The following DYM variants were observed in gnomAD, a reference collection of about 807,000 sequenced individuals.
DYM encodes dymeclin.
In DYM, 78 loss-of-function variants were observed where a neutral mutation model predicts 93.1. That is an observed-to-expected ratio of 0.84 (90% CI 0.70 to 1.01). DYM has a LOEUF of 1.01. Among genes scored for constraint, DYM ranks in the 50% least tolerant of loss-of-function variants. The probability of loss-of-function intolerance (pLI) is 0.00; values close to 1 mark genes in which losing one functional copy is unlikely to be tolerated. For missense variants in DYM, 789 were observed against 845.0 expected, an observed-to-expected ratio of 0.93 and a Z score of 0.82; for synonymous variants, 321 against 319.7, an observed-to-expected ratio of 1.00 and a Z score of -0.04.
At chr18:49,313,462 C>CAAAAAAAAAAAAAAAAAAAA (rs60775305) in intron 8 of DYM, among the ~76,000 whole-genome samples, 1 of 28,550 alleles carries the variant, frequency 3.5e-5, no homozygotes, top group Non-Finnish European at 6.3e-5. Flanking sequence ...GACTCTGTCA[C>CAAAAAAAAAAAAAAAAAAAA]AAAAAAAAAA....
intron 17 of DYM, among the ~76,000 whole-genome samples, chr18:49,080,357 C>G (rs1247081082): frequency 1.5e-5 from 2 of 136,748 alleles, no homozygotes; most frequent in Non-Finnish European, 3.2e-5. Context: ...CAACTCCCTC[C>G]CGGACGGGGT....
chr18:49,332,826 A>G (rs1329625169), intron 7 of DYM, among the ~76,000 whole-genome samples: 1 of 152,174 alleles, frequency 6.6e-6, no homozygotes, highest in Non-Finnish European at 1.5e-5. Flanking sequence ...CTCTGGCACT[A>G]TAAGGGATGA....
intron 8 of DYM, among the ~76,000 whole-genome samples, chr18:49,331,414 T>G (rs1377166032): frequency 6.6e-6 from 1 of 152,248 alleles, no homozygotes; most frequent in Non-Finnish European, 1.5e-5. Context: ...TACAAAATTC[T>G]GCAAAATATT....
rs549826425 is a variant in DYM, at chr18:49,385,743, G to A, written c.193+5850C>T. 3.3e-5 allele frequency among the ~76,000 whole-genome samples: 5 copies of A among 151,930 alleles called. No individual in the cohort carries two copies. The East Asian group carries it at 9.7e-4, about 29-fold the overall frequency. On this transcript the variant is annotated intron_variant, in intron 3 of 17. Transcript: ENST00000675505. Reference sequence around the variant, plus strand: ...CAGAAAACCTTATGTGTACATTCAGGAAAAAAGTAATAAAGCTAAACACAA... The same window carrying A: ...CAGAAAACCTTATGTGTACATTCAGAAAAAAAGTAATAAAGCTAAACACAA...
Position 49,377,559 on chromosome 18 carries a change from C to CA in DYM, c.421+1007dup, listed in dbSNP as rs538418149. Among the ~76,000 whole-genome samples the CA allele has an allele frequency of 2.6e-5, 4 of 151,452 alleles. No homozygotes were observed. In the South Asian group the frequency reaches 6.3e-4, roughly 24 times the overall value. On this transcript the variant is annotated intron_variant, in intron 5 of 17. Transcript: ENST00000675505. ...TGGGCAACAGAGCGAGACTCCATCT[C>CA]AAAAAAAATAAAAATAAAAATATAA...
At chr18:49,050,485 T>G (rs2072280506) in intron 17 of DYM, among the ~76,000 whole-genome samples, 1 of 152,176 alleles carries the variant, frequency 6.6e-6, no homozygotes, top group African/African-American at 2.4e-5. Flanking sequence ...GGGTAACTTC[T>G]GCAATGTATG....
intron 15 of DYM, among the ~76,000 whole-genome samples, chr18:49,130,741 C>T (rs369656193): frequency 6.6e-6 from 1 of 152,242 alleles, no homozygotes; most frequent in East Asian, 1.9e-4. Flanking sequence ...ATGGCAGATG[C>T]TGGGTTGGAG....
chr18:49,255,911 C>A (rs2094384613), intron 13 of DYM, among the ~76,000 whole-genome samples: 1 of 151,522 alleles, frequency 6.6e-6, no homozygotes. Context: ...GAAACCCCAT[C>A]TCTACTAAAA....
chr18:49,061,087 G>A (rs2075955532), intron 17 of DYM, among the ~76,000 whole-genome samples: 2 of 152,160 alleles, frequency 1.3e-5, no homozygotes, highest in Non-Finnish European at 2.9e-5. Context: ...AAAAAGTAGA[G>A]GCAGCGCCTC....
chr18:49,263,930 G>C (rs760970643), intron 11 of DYM, among the ~76,000 whole-genome samples: 1 of 152,070 alleles, frequency 6.6e-6, no homozygotes, highest in Non-Finnish European at 1.5e-5. Context: ...CTTCTATGAG[G>C]ATAGAAAGTT....
At chr18:49,173,786 A>T (rs1210753704) in intron 14 of DYM, among the ~76,000 whole-genome samples, 1 of 152,158 alleles carries the variant, frequency 6.6e-6, no homozygotes, top group Non-Finnish European at 1.5e-5. Context: ...ATAGCTAAAT[A>T]GTTAATAAAA....
intron 1 of DYM, among the ~76,000 whole-genome samples, chr18:49,438,871 AAC>A (rs576848724): frequency 6.6e-6 from 1 of 152,214 alleles, no homozygotes; most frequent in Non-Finnish European, 1.5e-5. Context: ...AAGGATTCCA[AAC>A]ACACACGCAC....
chr18:49,362,440 G>C (rs897824633), intron 6 of DYM, among the ~76,000 whole-genome samples: 10 of 152,070 alleles, frequency 6.6e-5, no homozygotes, highest in Non-Finnish European at 8.8e-5. Context: ...AACAAATAAG[G>C]GTCTATTTCT....
chr18:49,268,771 T>C (rs1264050702), intron 11 of DYM, among the ~76,000 whole-genome samples: 1 of 152,168 alleles, frequency 6.6e-6, no homozygotes, highest in Non-Finnish European at 1.5e-5. Context: ...TATACTTCAA[T>C]TTTAAGATGT....
chr18:49,270,905 G>T (rs1224523688), intron 11 of DYM, among the ~76,000 whole-genome samples: 1 of 152,028 alleles, frequency 6.6e-6, no homozygotes, highest in Non-Finnish European at 1.5e-5. Flanking sequence ...TGAAAGCCCT[G>T]CCCCCTTCTC....
chr18:49,167,109 A>G (rs1177679028), intron 14 of DYM, among the ~76,000 whole-genome samples: 1 of 151,950 alleles, frequency 6.6e-6, no homozygotes, highest in Non-Finnish European at 1.5e-5. Context: ...TTATCAATTT[A>G]AGAAAATTAT....
chr18:49,217,272 G>A (rs1329013004), intron 13 of DYM, among the ~76,000 whole-genome samples: 8 of 152,178 alleles, frequency 5.3e-5, no homozygotes, highest in Admixed American at 2.0e-4. Flanking sequence ...CCAAATCTAC[G>A]TCTGATTGGT....
At chr18:49,394,531 AG>A (rs1445866857) in intron 2 of DYM, among the ~76,000 whole-genome samples, 2 of 152,178 alleles carry the variant, frequency 1.3e-5, no homozygotes, top group Non-Finnish European at 2.9e-5. Flanking sequence ...GTGTTGCCAT[AG>A]AAATTTTAGA....
At chr18:49,185,255 T>C (rs2090329125) in intron 14 of DYM, among the ~76,000 whole-genome samples, 1 of 152,216 alleles carries the variant, frequency 6.6e-6, no homozygotes, top group Admixed American at 6.5e-5. Flanking sequence ...TGATTACTAT[T>C]CAGCTATCAT....
Sources: gnomAD v4.1 joint callset for allele counts (sites outside exome capture counted in the v4.1 genomes callset) on GRCh38, gnomAD v4.1.1 for gene constraint, MANE v1.5 for transcripts, NCBI Gene and HGNC (gene_info 2026-07-23, HGNC 2026-07-21) for gene names.